The following MAPKAP1 variants were observed in gnomAD, a reference collection of about 807,000 sequenced individuals.
MAPKAP1 encodes the protein target of rapamycin complex 2 subunit MAPKAP1.
A neutral mutation model predicts 65.7 loss-of-function variants in MAPKAP1; 20 were observed. The observed-to-expected ratio is 0.30, with a 90% CI of 0.21 to 0.44. MAPKAP1 has a LOEUF of 0.44. Ranked by LOEUF, MAPKAP1 falls within the 20% of genes least tolerant of loss-of-function variation. The pLI is 1.00. For missense variants in MAPKAP1, 423 were observed against 648.0 expected (o/e 0.65, Z 3.77); for synonymous variants, 222 against 244.3 (o/e 0.91, Z 0.85).
intron 4 of MAPKAP1, among the ~76,000 whole-genome samples, chr9:125,589,605 T>G (rs187607191): frequency 3.0e-4 from 45 of 152,334 alleles, no homozygotes; most frequent in African/African-American, 1.0e-3. Flanking sequence ...GTTCCATCTT[T>G]AACTCTATAA....
In MAPKAP1 at chr9:125,657,768, T is replaced by C; in HGVS notation, c.381A>G (p.Lys127=). ...AAATTGGAGGCTTCTCTTTGAGAGA[T>C]TTTTTTTCAAACAGTGACTTTAACT... The part of the protein sequence containing the change: ...AQELKSLFEK[K]SLKEKPPISG... The change falls in exon 4 of 12, where the codon AAA becomes AAG. Residue 127 remains lysine (K), a synonymous_variant. Coordinates refer to ENST00000265960, the MANE Select transcript of MAPKAP1 (RefSeq NM_001006617.3). 6.2e-7 allele frequency: 1 copy of C among 1,612,678 alleles called. No individual in the cohort carries two copies. Among genetic ancestry groups the C allele is most frequent in the Non-Finnish European group, 8.5e-7 (1 of 1,179,018 alleles).
intron 6 of MAPKAP1, among the ~76,000 whole-genome samples, chr9:125,551,490 T>C (rs2133193193): frequency 6.6e-6 from 1 of 152,316 alleles, no homozygotes; most frequent in Middle Eastern, 3.4e-3. Flanking sequence ...CACTGTTACC[T>C]GACAGCTGTT....
rs1564620117 is a variant in MAPKAP1, at chr9:125,693,668, T to TACACGTATATATACACGTATAC, written c.-70+13302_-70+13303insGTATACGTGTATATATACGTGT. Among the ~76,000 whole-genome samples the TACACGTATATATACACGTATAC allele has an allele frequency of 6.2e-5, 8 of 129,384 alleles. 1 individual carries two copies. Among genetic ancestry groups the TACACGTATATATACACGTATAC allele is most frequent in the African/African-American group, 2.2e-4 (8 of 35,616 alleles). The allele number at this position is 129,384 out of a possible 152,430, so 84.9% of individuals were successfully genotyped here. Reference sequence around the variant, plus strand: ...ATATACACGTATACATACACACACATATACACGTATATATACACGTATATA... The same window carrying TACACGTATATATACACGTATAC: ...ATATACACGTATACATACACACACATACACGTATATATACACGTATACATACACGTATATATACACGTATATA... On this transcript the variant is annotated intron_variant, in intron 1 of 11. Coordinates refer to ENST00000265960, the MANE Select transcript of MAPKAP1 (RefSeq NM_001006617.3).
At chr9:125,560,543 T>C (rs1830863036) in intron 5 of MAPKAP1, among the ~76,000 whole-genome samples, 1 of 152,110 alleles carries the variant, frequency 6.6e-6, no homozygotes, top group Admixed American at 6.6e-5. Context: ...ATGATGGTGT[T>C]ACTTCACTCC....
chr9:125,699,640 T>TC (rs1336866042), intron 1 of MAPKAP1, among the ~76,000 whole-genome samples: 1 of 149,824 alleles, frequency 6.7e-6, no homozygotes, highest in East Asian at 1.9e-4. Context: ...GATTTTGATT[T>TC]TTTTTTTTTT....
At chr9:125,615,459 G>T (rs575062455) in intron 4 of MAPKAP1, among the ~76,000 whole-genome samples, 1 of 150,638 alleles carries the variant, frequency 6.6e-6, no homozygotes, top group East Asian at 1.9e-4. Context: ...TTGGAAGGCC[G>T]AGGTGGGTGG....
intron 10 of MAPKAP1, among the ~76,000 whole-genome samples, chr9:125,461,928 G>A (rs2132976447): frequency 6.6e-6 from 1 of 152,186 alleles, no homozygotes; most frequent in Non-Finnish European, 1.5e-5. Flanking sequence ...GCACCAGCAG[G>A]GCTGTAGATA....
At chr9:125,632,308 C>A (rs1277444394) in intron 4 of MAPKAP1, among the ~76,000 whole-genome samples, 1 of 152,012 alleles carries the variant, frequency 6.6e-6, no homozygotes, top group Non-Finnish European at 1.5e-5. Flanking sequence ...GTCTGACTTC[C>A]CTACAAGATT....
At chr9:125,521,666 T>C in intron 7 of MAPKAP1, 1 of 1,557,876 alleles carries the variant, frequency 6.4e-7, no homozygotes, top group Non-Finnish European at 8.6e-7. Flanking sequence ...CAAAGGTTTC[T>C]GACATCCAGT....
rs1275226731 is a variant in MAPKAP1, at chr9:125,577,562, TG to T, written c.671+7992del. ...CCGGCCGCCCCGTCCAGGAGGGAGG[TG>T]GGGGGGTCAGCCCCCCGCCCTGCCA... On this transcript the variant is annotated intron_variant, in intron 5 of 11. Coordinates refer to ENST00000265960, the MANE Select transcript of MAPKAP1 (RefSeq NM_001006617.3). Among the ~76,000 whole-genome samples, 16 of 35,466 alleles carry T rather than the reference TG, an allele frequency of 4.5e-4. No individual in the cohort carries two copies. The East Asian group carries it at 0.012, about 26-fold the overall frequency. 23.3% of individuals were successfully genotyped at this position (35,466 alleles called of 152,430 possible).
chr9:125,570,329 A>G (rs1589296607), intron 5 of MAPKAP1, among the ~76,000 whole-genome samples: 1 of 152,068 alleles, frequency 6.6e-6, no homozygotes, highest in Non-Finnish European at 1.5e-5. Context: ...AAGTTGTCCA[A>G]TTCAAAGGTT....
chr9:125,531,135 C>A (rs1308270465), intron 7 of MAPKAP1, among the ~76,000 whole-genome samples: 1 of 152,202 alleles, frequency 6.6e-6, no homozygotes, highest in Non-Finnish European at 1.5e-5. Context: ...GCTGCCACCC[C>A]CAGCTGAAGC....
At chr9:125,489,987 C>T (rs1854639961) in intron 8 of MAPKAP1, among the ~76,000 whole-genome samples, 1 of 152,142 alleles carries the variant, frequency 6.6e-6, no homozygotes, top group Non-Finnish European at 1.5e-5. Flanking sequence ...TTTCCCTTCC[C>T]TCAAGTGGTT....
intron 10 of MAPKAP1, among the ~76,000 whole-genome samples, chr9:125,452,173 A>G (rs1836888826): frequency 6.6e-6 from 1 of 151,534 alleles, no homozygotes. Context: ...ATCTGGGCTC[A>G]CTGCAATCTC....
Position 125,484,592 on chromosome 9 carries a change from G to A in MAPKAP1, c.1067-9C>T, listed in dbSNP as rs758414832. 6.2e-7 allele frequency: 1 copy of A among 1,603,754 alleles called. No individual in the cohort carries two copies. Among genetic ancestry groups the A allele is most frequent in the Admixed American group, 1.7e-5 (1 of 58,634 alleles). On this transcript the variant is annotated splice_polypyrimidine_tract_variant and intron_variant, in intron 8 of 11. Coordinates refer to ENST00000265960, the MANE Select transcript of MAPKAP1 (RefSeq NM_001006617.3). Reference sequence around the variant, plus strand: ...CCCGTCTGCCCTTGAACCTGGGGAGGAAAAGGCAGTTTAACACATAAAGAT... The same window carrying A: ...CCCGTCTGCCCTTGAACCTGGGGAGAAAAAGGCAGTTTAACACATAAAGAT...
At chr9:125,586,277 A>AACC (rs1831782116) in intron 4 of MAPKAP1, among the ~76,000 whole-genome samples, 1 of 152,084 alleles carries the variant, frequency 6.6e-6, no homozygotes, top group African/African-American at 2.4e-5. Flanking sequence ...TTATTGCCCT[A>AACC]ACCACCAACC....
chr9:125,591,429 T>G (rs1831959930), intron 4 of MAPKAP1, among the ~76,000 whole-genome samples: 1 of 152,170 alleles, frequency 6.6e-6, no homozygotes, highest in African/African-American at 2.4e-5. Context: ...GACAGATAGT[T>G]ATATGGTACT....
At position 125,506,343 on chromosome 9, in the gene MAPKAP1, T is replaced by C. The variant is rs1483582000; in HGVS notation, c.1033A>G (p.Ser345Gly). The change falls in exon 8 of 12, where the codon AGC (serine) becomes GGC (glycine). Residue 345 changes from serine (S) to glycine (G), a missense_variant. Around this residue, in one of 6 missense-constraint regions of MAPKAP1, gnomAD observed 185 missense variants for 268.1 expected, o/e 0.69. Coordinates refer to ENST00000265960, the MANE Select transcript of MAPKAP1 (RefSeq NM_001006617.3). ...VDLDSTLESQ[S>G]AWEFCLVREN... Reference sequence around the variant, plus strand: ...CGGACCAGGCAGAACTCCCATGCGCTCTGGCTCTCCAAAGTGCTGTCCAGG... The same window carrying C: ...CGGACCAGGCAGAACTCCCATGCGCCCTGGCTCTCCAAAGTGCTGTCCAGG... 6.2e-7 allele frequency: 1 copy of C among 1,613,960 alleles called. No individual in the cohort carries two copies. Among genetic ancestry groups the C allele is most frequent in the East Asian group, 2.2e-5 (1 of 44,890 alleles).
intron 7 of MAPKAP1, among the ~76,000 whole-genome samples, chr9:125,507,358 C>T (rs967326326): frequency 6.6e-6 from 1 of 152,186 alleles, no homozygotes; most frequent in Non-Finnish European, 1.5e-5. Flanking sequence ...ATTATTTTGA[C>T]TCTGAAAGGC....
Sources: allele counts gnomAD v4.1 joint callset (sites outside exome capture counted in the v4.1 genomes callset), GRCh38; gene constraint gnomAD v4.1.1; regional missense constraint gnomAD v4.1.1; transcripts MANE v1.5; gene names NCBI Gene and HGNC (gene_info 2026-07-23, HGNC 2026-07-21).